The following SGCZ variants were observed in gnomAD, a reference collection of about 807,000 sequenced individuals.
The protein encoded by SGCZ is sarcoglycan zeta, also known as zeta-sarcoglycan.
SGCZ carries 40 observed loss-of-function variants against 41.3 expected under a neutral mutation model. The ratio of observed to expected loss-of-function variants is 0.97; its 90% CI spans 0.75 to 1.26. The LOEUF (loss-of-function observed/expected upper bound fraction) is 1.26, where lower values mean the gene tolerates loss of function less well. Ranked by LOEUF, SGCZ falls within the 50% of genes most tolerant of loss-of-function variation. SGCZ has a pLI of 0.00. For missense variants in SGCZ, 552 were observed against 369.8 expected (o/e 1.49, Z -4.04); for synonymous variants, 206 against 137.5 (o/e 1.50, Z -3.49).
rs183369619 is a variant in SGCZ, at chr8:14,478,017, G to T, written c.234+76715C>A. On this transcript the variant is annotated intron_variant, in intron 2 of 7. Coordinates refer to ENST00000382080, the MANE Select transcript of SGCZ (RefSeq NM_139167.4). ...TAAGTGCAGAATAATTATGAAGAAGGAACCTGATGAATATGAAAAGCAGAG... is the reference window on the plus strand; with the variant it reads ...TAAGTGCAGAATAATTATGAAGAAGTAACCTGATGAATATGAAAAGCAGAG... 1.5e-4 allele frequency among the ~76,000 whole-genome samples: 23 copies of T among 152,292 alleles called. No individual in the cohort carries two copies. The East Asian group carries it at 4.3e-3, about 28-fold the overall frequency.
intron 2 of SGCZ, among the ~76,000 whole-genome samples, chr8:14,345,203 G>A (rs1345539498): frequency 2.0e-5 from 3 of 151,992 alleles, no homozygotes; most frequent in African/African-American, 4.8e-5. Context: ...ACTCATCAGC[G>A]ACATGCCAAT....
Position 15,118,943 on chromosome 8 carries a change from A to C in SGCZ, c.39+118642T>G, listed in dbSNP as rs1807376069. Among the ~76,000 whole-genome samples the C allele has an allele frequency of 3.3e-5, 5 of 152,150 alleles. No individual in the cohort carries two copies. In the South Asian group the frequency reaches 8.3e-4, roughly 25 times the overall value. On this transcript the variant is annotated intron_variant, in intron 1 of 7. Transcript: ENST00000382080. ...ACATTATAGAGACAGAATCTCTCAG[A>C]TCTTACTCTCGACATAGGTTTTCTA...
intron 1 of SGCZ, among the ~76,000 whole-genome samples, chr8:14,792,598 G>C (rs183032285): frequency 5.9e-5 from 9 of 151,838 alleles, no homozygotes; most frequent in South Asian, 2.1e-4. Flanking sequence ...TTAAGTTTTA[G>C]GGTACATGTG....
chr8:14,361,161 T>G (rs567064372), intron 2 of SGCZ, among the ~76,000 whole-genome samples: 1 of 152,204 alleles, frequency 6.6e-6, no homozygotes, highest in Non-Finnish European at 1.5e-5. Context: ...GTTTTGAACA[T>G]TCTTTACATA....
intron 1 of SGCZ, among the ~76,000 whole-genome samples, chr8:15,225,510 G>T (rs1351820609): frequency 6.6e-6 from 1 of 152,084 alleles, no homozygotes; most frequent in African/African-American, 2.4e-5. Context: ...GTATGTGCAC[G>T]CACATGCACG....
intron 1 of SGCZ, among the ~76,000 whole-genome samples, chr8:14,626,730 T>A (rs905222502): frequency 6.6e-6 from 1 of 152,150 alleles, no homozygotes; most frequent in Non-Finnish European, 1.5e-5. Flanking sequence ...TAGCAAATTC[T>A]AAGGCAGAAG....
chr8:14,090,610 G>C lies in SGCZ; in HGVS notation c.772C>G (p.Leu258Val). The C allele has an allele frequency of 6.2e-7, 1 of 1,611,734 alleles. No homozygotes were observed. The highest frequency in any genetic ancestry group is 2.2e-5 in the East Asian group (1 of 44,836). The change falls in exon 8 of 8, where the codon CTG (leucine) becomes GTG (valine). Residue 258 changes from leucine (L) to valine (V), a missense_variant. Physicochemically the swap from Leu to Val is conservative, Grantham distance 32 (BLOSUM62 1). Transcript: ENST00000382080. The stretch of plus-strand genomic sequence containing the variant: ...AAGGAGCCAGTTGGTAGATTTCCCA[G>C]CTTGATTGTCTCTGCATTTAAAAAT... ...EIFLNAETIK[L>V]GNLPTGSFSS...
chr8:14,636,325 G>C (rs1454390106), intron 1 of SGCZ, among the ~76,000 whole-genome samples: 1 of 151,800 alleles, frequency 6.6e-6, no homozygotes, highest in Non-Finnish European at 1.5e-5. Flanking sequence ...ACTTTAGAAA[G>C]ATCACGTTAA....
At chr8:14,572,141 G>A (rs568861148) in intron 1 of SGCZ, among the ~76,000 whole-genome samples, 29 of 152,202 alleles carry the variant, frequency 1.9e-4, no homozygotes, top group African/African-American at 5.3e-4. Context: ...ATTAATACAT[G>A]TTCTGCTAAT....
intron 3 of SGCZ, among the ~76,000 whole-genome samples, chr8:14,267,673 G>A (rs919903158): frequency 6.6e-6 from 1 of 151,944 alleles, no homozygotes; most frequent in Non-Finnish European, 1.5e-5. Context: ...AGCAGCAGTG[G>A]GATTGTGAAT....
intron 1 of SGCZ, among the ~76,000 whole-genome samples, chr8:14,673,178 C>T (rs1808159274): frequency 6.6e-6 from 1 of 152,256 alleles, no homozygotes; most frequent in South Asian, 2.1e-4. Context: ...GTATTGTAAC[C>T]ACTATACTGT....
intron 2 of SGCZ, among the ~76,000 whole-genome samples, chr8:14,420,075 C>A (rs775174244): frequency 6.6e-6 from 1 of 151,988 alleles, no homozygotes; most frequent in Admixed American, 6.6e-5. Context: ...TAATCTCATT[C>A]TATTTATTGC....
At chr8:14,315,252 A>G (rs1801677511) in intron 3 of SGCZ, among the ~76,000 whole-genome samples, 1 of 152,128 alleles carries the variant, frequency 6.6e-6, no homozygotes, top group Non-Finnish European at 1.5e-5. Context: ...GTGAAATCAA[A>G]TTCAAATCCA....
chr8:15,011,655 C>T (rs1265289412), intron 1 of SGCZ, among the ~76,000 whole-genome samples: 1 of 152,140 alleles, frequency 6.6e-6, no homozygotes, highest in Non-Finnish European at 1.5e-5. Context: ...TGTATTACTA[C>T]TATCTAAATA....
intron 1 of SGCZ, among the ~76,000 whole-genome samples, chr8:14,837,419 C>A (rs976433044): frequency 2.0e-5 from 3 of 152,140 alleles, no homozygotes; most frequent in Admixed American, 2.0e-4. Context: ...TAGAAAGGTC[C>A]ACTTAAGATC....
chr8:15,068,798 C>T (rs1471784429), intron 1 of SGCZ, among the ~76,000 whole-genome samples: 1 of 152,116 alleles, frequency 6.6e-6, no homozygotes, highest in Admixed American at 6.5e-5. Flanking sequence ...AAAAAATGTC[C>T]TCAGCAATAT....
chr8:15,051,260 G>T lies in SGCZ; in HGVS notation c.39+186325C>A, dbSNP rs184360848. On this transcript the variant is annotated intron_variant, in intron 1 of 7. Coordinates refer to ENST00000382080, the MANE Select transcript of SGCZ (RefSeq NM_139167.4). ...AATGGGGAAAGGACATGGGGAGGAG[G>T]CTAAAGAGAAAAAGAATATTTATTC... Among the ~76,000 whole-genome samples the T allele has an allele frequency of 2.0e-4, 31 of 152,296 alleles. No homozygotes were observed. In the East Asian group the frequency reaches 6.0e-3, roughly 29 times the overall value.
rs562058170 is a variant in SGCZ at position 14,585,634 on chromosome 8, A to C, written c.40-30708T>G. On this transcript the variant is annotated intron_variant, in intron 1 of 7. Transcript: ENST00000382080. Reference sequence around the variant, plus strand: ...CAAAGGTTATTATTTTATGAAAAATATATCAGACTCATTCTCTGAAAGAAA... The same window carrying C: ...CAAAGGTTATTATTTTATGAAAAATCTATCAGACTCATTCTCTGAAAGAAA... Among the ~76,000 whole-genome samples, 1,236 of 152,286 alleles carry C rather than the reference A, an allele frequency of 8.1e-3. 9 individuals carry two copies. The highest frequency in any genetic ancestry group is 0.01 in the Middle Eastern group (3 of 294).
chr8:14,433,703 C>A (rs976754860), intron 2 of SGCZ, among the ~76,000 whole-genome samples: 4 of 152,138 alleles, frequency 2.6e-5, no homozygotes, highest in African/African-American at 4.8e-5. Flanking sequence ...TAAACACGCT[C>A]TCTGAGGGTG....
Sources: allele counts gnomAD v4.1 joint callset (sites outside exome capture counted in the v4.1 genomes callset), GRCh38; gene constraint gnomAD v4.1.1; transcripts MANE v1.5; gene names NCBI Gene and HGNC (gene_info 2026-07-23, HGNC 2026-07-21).